The following IRAG1 variants were observed in gnomAD, a reference collection of about 807,000 sequenced individuals.
IRAG1 encodes IP3R-associated cGMP kinase substrate.
In IRAG1, 62 loss-of-function variants were observed where a neutral mutation model predicts 106.2. The observed-to-expected ratio is 0.58, with a 90% CI of 0.48 to 0.72. IRAG1 has a LOEUF of 0.72. Ranked by LOEUF, IRAG1 falls within the 30% of genes least tolerant of loss-of-function variation. The probability of loss-of-function intolerance (pLI) is 0.00; values close to 1 mark genes in which losing one functional copy is unlikely to be tolerated. For synonymous variants in IRAG1, 462 were observed against 443.9 expected (o/e 1.04, Z -0.51); for missense variants, 1,064 against 1,140.7 (o/e 0.93, Z 0.97).
At chr11:10,607,847 A>T (rs1854608947) in intron 11 of IRAG1, among the ~76,000 whole-genome samples, 1 of 152,146 alleles carries the variant, frequency 6.6e-6, no homozygotes, top group Non-Finnish European at 1.5e-5. Flanking sequence ...GGAGTCCAGA[A>T]CACGGGACAA....
At chr11:10,622,734 A>G (rs1192986979) in intron 10 of IRAG1, among the ~76,000 whole-genome samples, 2 of 152,048 alleles carry the variant, frequency 1.3e-5, no homozygotes, top group Non-Finnish European at 2.9e-5. Flanking sequence ...CAAAGTCCTC[A>G]GCTCAAGCAA....
chr11:10,625,155 G>C (rs1856142241), intron 9 of IRAG1, among the ~76,000 whole-genome samples: 1 of 152,216 alleles, frequency 6.6e-6, no homozygotes. Flanking sequence ...TTGTGCTTGA[G>C]TGCTATCGGG....
At chr11:10,653,033 C>A (rs905607476) in intron 1 of IRAG1, among the ~76,000 whole-genome samples, 5 of 152,132 alleles carry the variant, frequency 3.3e-5, no homozygotes, top group Admixed American at 3.3e-4. Context: ...GGACTGCAAT[C>A]AGCATAATCT....
intron 2 of IRAG1, among the ~76,000 whole-genome samples, chr11:10,636,728 A>C (rs1489948577): frequency 6.6e-6 from 1 of 152,212 alleles, no homozygotes; most frequent in African/African-American, 2.4e-5. Context: ...CAGAGGAAGG[A>C]AAAGAAAACT....
intron 1 of IRAG1, chr11:10,687,923 G>T: frequency 1.8e-6 from 1 of 561,346 alleles, no homozygotes; most frequent in Non-Finnish European, 2.6e-6. Flanking sequence ...TATCATTACA[G>T]GTCGAGCATT....
At chr11:10,594,510 A>G (rs957452657) in intron 15 of IRAG1, among the ~76,000 whole-genome samples, 1 of 152,134 alleles carries the variant, frequency 6.6e-6, no homozygotes, top group Non-Finnish European at 1.5e-5. Context: ...TATGAAAACT[A>G]CTCAGCAACA....
chr11:10,633,175 C>A (rs564934415), intron 3 of IRAG1, among the ~76,000 whole-genome samples: 1 of 151,008 alleles, frequency 6.6e-6, no homozygotes, highest in East Asian at 2.0e-4. Flanking sequence ...CCCGGGTTCA[C>A]GCCATTCTCC....
chr11:10,640,303 G>T (rs531668081), intron 2 of IRAG1, among the ~76,000 whole-genome samples: 1 of 152,174 alleles, frequency 6.6e-6, no homozygotes, highest in Non-Finnish European at 1.5e-5. Context: ...GCAGGTAACC[G>T]CAGACACTCA....
chr11:10,591,086 C>G (rs1284683433), intron 18 of IRAG1, among the ~76,000 whole-genome samples: 1 of 152,148 alleles, frequency 6.6e-6, no homozygotes, highest in African/African-American at 2.4e-5. Context: ...AGGTATTGTC[C>G]TGTCTGGAGG....
chr11:10,666,715 G>C (rs866776163), intron 1 of IRAG1, among the ~76,000 whole-genome samples: 3 of 152,200 alleles, frequency 2.0e-5, no homozygotes, highest in South Asian at 2.1e-4. Flanking sequence ...CTTGTTTTTA[G>C]AAAAGACTGA....
chr11:10,584,548 A>AATATATATATATATATATAT lies in IRAG1; in HGVS notation c.2241-2582_2241-2563dup, dbSNP rs56768282. 1.2e-3 allele frequency among the ~76,000 whole-genome samples: 122 copies of AATATATATATATATATATAT among 98,562 alleles called. 1 individual carries two copies. Among genetic ancestry groups the AATATATATATATATATATAT allele is most frequent in the Non-Finnish European group, 1.9e-3 (88 of 46,682 alleles). The allele number at this position is 98,562 out of a possible 152,430, so 64.7% of individuals were successfully genotyped here. On this transcript the variant is annotated intron_variant, in intron 18 of 20. Coordinates refer to ENST00000423302, the MANE Select transcript of IRAG1 (RefSeq NM_130385.4). ...GGCAGGGAAAGTAATTCTTTCATGA[A>AATATATATATATATATATAT]ATATATATATATATATATATATATA...
chr11:10,605,718 G>A (rs1040536320), intron 12 of IRAG1, among the ~76,000 whole-genome samples: 4 of 152,146 alleles, frequency 2.6e-5, no homozygotes, highest in East Asian at 1.9e-4. Flanking sequence ...TAAACAAACC[G>A]CCCATGGCCC....
chr11:10,682,468 C>T (rs1322597137), intron 1 of IRAG1, among the ~76,000 whole-genome samples: 2 of 151,990 alleles, frequency 1.3e-5, no homozygotes, highest in Non-Finnish European at 2.9e-5. Flanking sequence ...ATCTTTTTTT[C>T]CTTTCTGGGA....
intron 2 of IRAG1, among the ~76,000 whole-genome samples, chr11:10,639,242 G>T (rs1405617018): frequency 2.0e-5 from 3 of 152,068 alleles, no homozygotes; most frequent in Non-Finnish European, 4.4e-5. Flanking sequence ...TAATCTTATT[G>T]ACACTATCTA....
intron 1 of IRAG1, among the ~76,000 whole-genome samples, chr11:10,673,648 C>T (rs972696177): frequency 1.3e-5 from 2 of 151,504 alleles, no homozygotes; most frequent in Non-Finnish European, 2.9e-5. Flanking sequence ...AGTCATATGG[C>T]GTGTGGATTA....
At chr11:10,625,827 G>A in intron 9 of IRAG1, 139 bp downstream of exon 9, 3 of 825,510 alleles carry the variant, frequency 3.6e-6, no homozygotes, top group Non-Finnish European at 3.3e-6. Context: ...ACTTCTCAGA[G>A]TGGGAAAATT....
chr11:10,629,040 G>T (rs1856490958), intron 5 of IRAG1, among the ~76,000 whole-genome samples: 1 of 152,032 alleles, frequency 6.6e-6, no homozygotes, highest in Non-Finnish European at 1.5e-5. Context: ...CCATTTGGGG[G>T]TTCGAGGATA....
chr11:10,581,929 G>A lies in IRAG1; in HGVS notation c.2298C>T (p.Ser766=), dbSNP rs772572504. The A allele has an allele frequency of 3.1e-6, 5 of 1,613,920 alleles. No homozygotes were observed. The Admixed American group carries it at 5.0e-5, about 16-fold the overall frequency. The change falls in exon 19 of 21, where the codon AGC becomes AGT. Residue 766 remains serine (S), a synonymous_variant. Transcript: ENST00000423302. Reference sequence around the variant, plus strand: ...TCTCCTGACTAAGCTCCTCCAGGCAGCTCAGGGTCAGCGCAGGAGCAGAGG... The same window carrying A: ...TCTCCTGACTAAGCTCCTCCAGGCAACTCAGGGTCAGCGCAGGAGCAGAGG... ...CEASAPALTL[S]CLEELSQETK...
chr11:10,687,783 G>A (rs1432651774), intron 1 of IRAG1: 1 of 1,289,198 alleles, frequency 7.8e-7, no homozygotes, highest in Non-Finnish European at 1.0e-6. Flanking sequence ...AATCTCTGGA[G>A]GGGAACAGAC....
Sources: allele counts gnomAD v4.1 joint callset (sites outside exome capture counted in the v4.1 genomes callset), GRCh38; gene constraint gnomAD v4.1.1; transcripts MANE v1.5; gene names NCBI Gene and HGNC (gene_info 2026-07-23, HGNC 2026-07-21).